Variants in BRSK1 observed in about 807,000 individuals in gnomAD.
BRSK1 encodes the protein serine/threonine-protein kinase BRSK1.
BRSK1 carries 17 observed loss-of-function variants against 86.2 expected under a neutral mutation model. The observed-to-expected ratio is 0.20, with a 90% CI of 0.14 to 0.30. The LOEUF is 0.30. Ranked by LOEUF, BRSK1 falls within the 10% of genes least tolerant of loss-of-function variation. BRSK1 has a pLI of 1.00. For missense variants in BRSK1, 719 were observed against 1,071.9 expected, an observed-to-expected ratio of 0.67 and a Z score of 4.60; for synonymous variants, 464 against 440.1, an observed-to-expected ratio of 1.05 and a Z score of -0.68.
chr19:55,284,586 T>C lies in BRSK1; in HGVS notation c.136+8T>C. ...TGGGCAAAGGACAGACAGGTGAGCC[T>C]AGCAGAAGGGGACACCTGGGGCGGG... On this transcript the variant is annotated splice_region_variant and intron_variant, in intron 1 of 18. Transcript: ENST00000309383. 2 of 1,113,234 alleles carry C rather than the reference T, an allele frequency of 1.8e-6. No homozygotes were observed. The highest frequency in any genetic ancestry group is 2.9e-5 in the South Asian group (1 of 34,608). 69.0% of individuals were successfully genotyped at this position (1,113,234 alleles called of 1,614,324 possible).
At chr19:55,289,698 A>G in intron 4 of BRSK1, 78 bp downstream of exon 4, 3 of 1,542,902 alleles carry the variant, frequency 1.9e-6, no homozygotes, top group Non-Finnish European at 2.6e-6. Context: ...TGGAGGGCTG[A>G]GCAAAAGCCA....
chr19:55,287,139 G>GGCCTCCGGGTGGGGGA lies in BRSK1; in HGVS notation c.231+47_231+48insTGGGGGAGCCTCCGGG. The GGCCTCCGGGTGGGGGA allele has an allele frequency of 6.2e-7, 1 of 1,612,392 alleles. No individual in the cohort carries two copies. The highest frequency in any genetic ancestry group is 8.5e-7 in the Non-Finnish European group (1 of 1,178,728). ...GCTGCAGTGTGCCTGCGGGTGGGGGGGCCTCCGGGGCTGAGGGCAGGGGCG... is the reference window on the plus strand; with the variant it reads ...GCTGCAGTGTGCCTGCGGGTGGGGGGGCCTCCGGGTGGGGGAGCCTCCGGGGCTGAGGGCAGGGGCG... On this transcript the variant is annotated intron_variant, in intron 2 of 18. Transcript: ENST00000309383. This position sits in a 1 kb window ranked among gnomAD's most constrained non-coding sequence, Gnocchi z 5.3.
At chr19:55,286,496 A>G (rs949433464) in intron 1 of BRSK1, among the ~76,000 whole-genome samples, 9 of 151,514 alleles carry the variant, frequency 5.9e-5, no homozygotes, top group African/African-American at 1.9e-4. Context: ...GGGAGGGGCA[A>G]ATGTGAGATT....
At chr19:55,298,209 C>CTTTTTTTTTTTTTTTTTTTT (rs71181751) in intron 7 of BRSK1, among the ~76,000 whole-genome samples, 5 of 69,636 alleles carry the variant, frequency 7.2e-5, no homozygotes, top group Admixed American at 1.8e-4. Flanking sequence ...TTTGTTTCTT[C>CTTTTTTTTTTTTTTTTTTTT]TTTTTTTTTT....
intron 4 of BRSK1, among the ~76,000 whole-genome samples, chr19:55,291,020 G>A (rs535549476): frequency 2.0e-5 from 3 of 152,006 alleles, no homozygotes. Flanking sequence ...ATATTTTCTA[G>A]AAGTTGTATA....
chr19:55,295,176 G>T (rs1172249503), intron 7 of BRSK1, among the ~76,000 whole-genome samples: 1 of 151,976 alleles, frequency 6.6e-6, no homozygotes, highest in East Asian at 1.9e-4. Flanking sequence ...AGGCTGGAGT[G>T]CAGTGGCGCC....
intron 3 of BRSK1, among the ~76,000 whole-genome samples, chr19:55,288,279 C>A (rs1282587960): frequency 6.6e-6 from 1 of 151,904 alleles, no homozygotes; most frequent in African/African-American, 2.4e-5. Flanking sequence ...AGCTCGAGAC[C>A]AGCCTGAGCA....
intron 1 of BRSK1, among the ~76,000 whole-genome samples, chr19:55,286,369 G>A (rs2088316568): frequency 6.6e-6 from 1 of 151,854 alleles, no homozygotes; most frequent in African/African-American, 2.4e-5. Flanking sequence ...AGAGGTGTGG[G>A]CTAGGAGACC....
At chr19:55,290,798 C>T (rs955852677) in intron 4 of BRSK1, among the ~76,000 whole-genome samples, 2 of 152,072 alleles carry the variant, frequency 1.3e-5, no homozygotes, top group Non-Finnish European at 1.5e-5. Context: ...CCCGCCACCA[C>T]GCCCGGCTAA....
At chr19:55,299,746 A>G (rs956618064) in intron 7 of BRSK1, among the ~76,000 whole-genome samples, 2 of 152,082 alleles carry the variant, frequency 1.3e-5, no homozygotes, top group African/African-American at 4.8e-5. Context: ...TGTCCGTTTC[A>G]CAGAGGAGAG....
rs1449586157 is a variant in BRSK1 at position 55,290,635 on chromosome 19, GCTTTTT to G, written c.458+1028_458+1033del. 7.3e-5 allele frequency among the ~76,000 whole-genome samples: 11 copies of G among 149,672 alleles called. No individual in the cohort carries two copies. In the East Asian group the frequency reaches 1.9e-3, roughly 26 times the overall value. Reference sequence around the variant, plus strand: ...TTGATTTTTTTATTTTACACCTCATGCTTTTTCTTTTTCTTTTTTTTTTTGAGACGG... The same window carrying G: ...TTGATTTTTTTATTTTACACCTCATGCTTTTTCTTTTTTTTTTTGAGACGG... On this transcript the variant is annotated intron_variant, in intron 4 of 18. Coordinates refer to ENST00000309383, the MANE Select transcript of BRSK1 (RefSeq NM_032430.2).
intron 18 of BRSK1, among the ~76,000 whole-genome samples, chr19:55,309,339 C>G (rs2088729061): frequency 6.6e-6 from 1 of 152,200 alleles, no homozygotes; most frequent in Non-Finnish European, 1.5e-5. Flanking sequence ...CAGTCCTGGT[C>G]ATCAAAGACT....
intron 4 of BRSK1, among the ~76,000 whole-genome samples, chr19:55,290,931 G>A (rs973769531): frequency 1.3e-5 from 2 of 151,520 alleles, no homozygotes; most frequent in South Asian, 2.1e-4. Flanking sequence ...ATGAGCCACC[G>A]CGCCCGGCCT....
In BRSK1 at chr19:55,303,664, C is replaced by A; in HGVS notation, c.1127-3C>A. ...TGATTGGGTTGAAACTGTTGTCCCT[C>A]AGACCCCCCCCGGAAGCGTGTGGAT... On this transcript the variant is annotated splice_region_variant and splice_polypyrimidine_tract_variant and intron_variant, in intron 11 of 18. Transcript: ENST00000309383. This position sits in a 1 kb window ranked among gnomAD's most constrained non-coding sequence, Gnocchi z 5.1. 6.3e-7 allele frequency: 1 copy of A among 1,594,528 alleles called. No individual in the cohort carries two copies. Among genetic ancestry groups the A allele is most frequent in the Non-Finnish European group, 8.5e-7 (1 of 1,169,950 alleles).
At chr19:55,288,732 C>T (rs1274740314) in intron 3 of BRSK1, among the ~76,000 whole-genome samples, 2 of 151,830 alleles carry the variant, frequency 1.3e-5, no homozygotes, top group Admixed American at 6.6e-5. Context: ...ATTACAGGCA[C>T]GCACCACCAC....
rs1568978465 is a variant in BRSK1 at position 55,287,182 on chromosome 19, T to C, written c.232-32T>C. 3 of 1,613,726 alleles carry C rather than the reference T, an allele frequency of 1.9e-6. No homozygotes were observed. Among genetic ancestry groups the C allele is most frequent in the African/African-American group, 1.3e-5 (1 of 74,998 alleles). On this transcript the variant is annotated intron_variant, in intron 2 of 18. Coordinates refer to ENST00000309383, the MANE Select transcript of BRSK1 (RefSeq NM_032430.2). This position sits in a 1 kb window ranked among gnomAD's most constrained non-coding sequence, Gnocchi z 5.3. ...CAGGGGCGGGGCCGTGCTGACCTCT[T>C]TTCCCGTGTCCCCACCCCTCTTGAC...
At chr19:55,309,775 C>G (rs992693257) in intron 18 of BRSK1, among the ~76,000 whole-genome samples, 7 of 152,210 alleles carry the variant, frequency 4.6e-5, no homozygotes, top group Non-Finnish European at 5.9e-5. Context: ...CCCAAGCAAC[C>G]AGAGGTAGCC....
Position 55,303,211 on chromosome 19 carries a change from TG to T in BRSK1, c.1029-97del. Reference sequence around the variant, plus strand: ...CTGATACCTAGAAAAAATGGAACCATGGGCAGAAATACAGGGAGCGGAGGAG... The same window carrying T: ...CTGATACCTAGAAAAAATGGAACCATGGCAGAAATACAGGGAGCGGAGGAG... On this transcript the variant is annotated intron_variant, in intron 10 of 18. Transcript: ENST00000309383. This position sits in a 1 kb window ranked among gnomAD's most constrained non-coding sequence, Gnocchi z 5.1. 2.1e-6 allele frequency: 2 copies of T among 939,272 alleles called. No homozygotes were observed. Among genetic ancestry groups the T allele is most frequent in the Non-Finnish European group, 3.4e-6 (2 of 593,100 alleles). The allele number at this position is 939,272 out of a possible 1,614,324, so 58.2% of individuals were successfully genotyped here.
chr19:55,309,808 G>A lies in BRSK1; in HGVS notation c.2179+1080G>A, dbSNP rs1194992636. Among the ~76,000 whole-genome samples, 3 of 152,200 alleles carry A rather than the reference G, an allele frequency of 2.0e-5. No individual in the cohort carries two copies. The South Asian group carries it at 6.2e-4, about 31-fold the overall frequency. On this transcript the variant is annotated intron_variant, in intron 18 of 18. Coordinates refer to ENST00000309383, the MANE Select transcript of BRSK1 (RefSeq NM_032430.2). Reference sequence around the variant, plus strand: ...GCCAGAATTCTCAAGGGAAGAGAGCGCCTGCCCTGGAAATCAGCCCTCATT... The same window carrying A: ...GCCAGAATTCTCAAGGGAAGAGAGCACCTGCCCTGGAAATCAGCCCTCATT...
Sources: gnomAD v4.1 joint callset for allele counts (sites outside exome capture counted in the v4.1 genomes callset) on GRCh38, gnomAD v4.1.1 for gene constraint, Gnocchi (gnomAD v3.1) non-coding constraint, MANE v1.5 for transcripts, NCBI Gene and HGNC (gene_info 2026-07-23, HGNC 2026-07-21) for gene names.